XKR7: variants seen among roughly 807,000 people sequenced by gnomAD.
XKR7 encodes the protein XK-related protein 7.
In XKR7, 11 loss-of-function variants were observed where a neutral mutation model predicts 42.2. That is an observed-to-expected ratio of 0.26 (90% CI 0.16 to 0.43). XKR7 has a LOEUF of 0.43. XKR7 is among the 20% of genes least tolerant of loss of function. The probability of loss-of-function intolerance (pLI) is 1.00; values close to 1 mark genes in which losing one functional copy is unlikely to be tolerated. For missense variants in XKR7, 710 were observed against 802.2 expected (o/e 0.89, Z 1.39); for synonymous variants, 346 against 366.4 (o/e 0.94, Z 0.64).
At chr20:31,992,019 AG>A (rs1289344392) in intron 1 of XKR7, among the ~76,000 whole-genome samples, 9 of 152,208 alleles carry the variant, frequency 5.9e-5, no homozygotes, top group African/African-American at 2.2e-4. Flanking sequence ...CGGGAGGCTG[AG>A]GCAGGAGAAT....
chr20:31,982,202 T>G (rs918188304), intron 1 of XKR7, among the ~76,000 whole-genome samples: 1 of 152,180 alleles, frequency 6.6e-6, no homozygotes, highest in Non-Finnish European at 1.5e-5. Flanking sequence ...TTTAGCACAG[T>G]TTGGGGTACA....
chr20:31,975,992 G>C (rs1483588606), intron 1 of XKR7, among the ~76,000 whole-genome samples: 6 of 152,214 alleles, frequency 3.9e-5, no homozygotes, highest in African/African-American at 7.2e-5. Flanking sequence ...GAGCTGTGTG[G>C]CTTTGAGCAA....
chr20:31,976,203 A>G (rs546212639), intron 1 of XKR7, among the ~76,000 whole-genome samples: 1 of 152,208 alleles, frequency 6.6e-6, no homozygotes, highest in African/African-American at 2.4e-5. Flanking sequence ...GGCACAGAGA[A>G]GAGTGGCCTT....
In XKR7 at chr20:31,996,519, G is replaced by GCCT. The variant is rs966345041; in HGVS notation, c.805_807dup (p.Ser269dup). On this transcript the variant is annotated inframe_insertion, in exon 3 of 3. Coordinates refer to ENST00000562532, the MANE Select transcript of XKR7 (RefSeq NM_001011718.2). ...TGTCTCCACAGCCCTCTCCACCTCCGCCTCCCTCGTGTCTCTGGCCTGGAC... is the reference window on the plus strand; with the variant it reads ...TGTCTCCACAGCCCTCTCCACCTCCGCCTCCTCCCTCGTGTCTCTGGCCTGGAC... The GCCT allele has an allele frequency of 1.0e-6, 1 of 961,624 alleles. No homozygotes were observed. Among genetic ancestry groups the GCCT allele is most frequent in the Non-Finnish European group, 1.2e-6 (1 of 824,884 alleles). 59.6% of individuals were successfully genotyped at this position (961,624 alleles called of 1,614,324 possible).
chr20:31,986,205 T>C (rs1470761636), intron 1 of XKR7, among the ~76,000 whole-genome samples: 17 of 75,070 alleles, frequency 2.3e-4, no homozygotes, highest in East Asian at 8.8e-4. Flanking sequence ...GACAGACCAC[T>C]AAACAGATCC....
chr20:31,992,868 G>A (rs1038856960), intron 1 of XKR7, among the ~76,000 whole-genome samples: 1 of 152,164 alleles, frequency 6.6e-6, no homozygotes, highest in Non-Finnish European at 1.5e-5. Flanking sequence ...CAGCTGGTAA[G>A]ACCAGTATAC....
chr20:31,988,964 C>T (rs1202359642), intron 1 of XKR7, among the ~76,000 whole-genome samples: 3 of 152,226 alleles, frequency 2.0e-5, no homozygotes, highest in Middle Eastern at 3.4e-3. Context: ...TGCATCAGTG[C>T]CTATTCTACA....
chr20:31,973,880 A>T (rs1309655188), intron 1 of XKR7, among the ~76,000 whole-genome samples: 2 of 152,000 alleles, frequency 1.3e-5, no homozygotes, highest in Non-Finnish European at 2.9e-5. Context: ...TGCAATGTCC[A>T]CTCTGGCTGC....
chr20:31,983,664 G>T (rs1182231498), intron 1 of XKR7, among the ~76,000 whole-genome samples: 1 of 152,128 alleles, frequency 6.6e-6, no homozygotes, highest in Non-Finnish European at 1.5e-5. Flanking sequence ...AAAGTAGTGG[G>T]GGCCGGGCAC....
chr20:31,974,950 C>T (rs1376503089), intron 1 of XKR7, among the ~76,000 whole-genome samples: 1 of 152,128 alleles, frequency 6.6e-6, no homozygotes, highest in Non-Finnish European at 1.5e-5. Flanking sequence ...ATCCAGCTGC[C>T]ATGGACCATT....
Position 31,997,462 on chromosome 20 carries a change from C to T in XKR7, c.*5C>T, listed in dbSNP as rs374217597. On this transcript the variant is annotated 3_prime_UTR_variant, in exon 3 of 3. Transcript: ENST00000562532. ...GAGTATGAGACCACAGTGTAGGCTACAGTGTCCCAGCACAAAAGGGACAGG... is the reference window on the plus strand; with the variant it reads ...GAGTATGAGACCACAGTGTAGGCTATAGTGTCCCAGCACAAAAGGGACAGG... 7 of 1,584,468 alleles carry T rather than the reference C, an allele frequency of 4.4e-6. No individual in the cohort carries two copies. In the African/African-American group the frequency reaches 8.0e-5, roughly 18 times the overall value.
At chr20:31,976,196 A>G (rs1568880662) in intron 1 of XKR7, among the ~76,000 whole-genome samples, 1 of 152,200 alleles carries the variant, frequency 6.6e-6, no homozygotes, top group Non-Finnish European at 1.5e-5. Context: ...AAATTGAGGC[A>G]CAGAGAAGAG....
Position 31,997,342 on chromosome 20 carries a change from G to A in XKR7, c.1625G>A (p.Arg542His), listed in dbSNP as rs1016371991. The change falls in exon 3 of 3, where the codon CGC (arginine) becomes CAC (histidine). Residue 542 changes from arginine to histidine, a missense_variant. By Grantham distance (29) the Arg-to-His change is conservative (BLOSUM62 0). Transcript: ENST00000562532. ...YPAWDAHFID[R>H]RLRKTILALE... is the part of the protein sequence containing the mutation. ...GCCTGGGATGCTCATTTTATTGACC[G>A]CCGGCTCCGGAAGACCATCCTGGCA... 4.4e-6 allele frequency: 7 copies of A among 1,606,580 alleles called. No homozygotes were observed. The highest frequency in any genetic ancestry group is 4.0e-5 in the African/African-American group (3 of 74,926).
chr20:31,997,058 T>C lies in XKR7; in HGVS notation c.1341T>C (p.Gly447=). 1 of 1,613,770 alleles carries C rather than the reference T, an allele frequency of 6.2e-7. No homozygotes were observed. Among genetic ancestry groups the C allele is most frequent in the Non-Finnish European group, 8.5e-7 (1 of 1,180,030 alleles). ...TGCACCCCAATGGGCCCATGCTGGG[T>C]CCCCAGGCACCTGGTTGCATCTTCC... ...CLLHPNGPML[G]PQAPGCIFRK... The change falls in exon 3 of 3, where the codon GGT becomes GGC. Residue 447 remains glycine (G), a synonymous_variant. Transcript: ENST00000562532.
Position 31,997,201 on chromosome 20 carries a change from C to A in XKR7, c.1484C>A (p.Thr495Asn). 1 of 1,610,136 alleles carries A rather than the reference C, an allele frequency of 6.2e-7. No individual in the cohort carries two copies. The highest frequency in any genetic ancestry group is 8.5e-7 in the Non-Finnish European group (1 of 1,179,832). The part of the protein sequence containing the change: ...DGASAGERAG[T>N]PTPPVFQVRP... ...GCCTCGGCGGGAGAGCGTGCAGGGA[C>A]CCCCACCCCACCTGTCTTCCAGGTG... The change falls in exon 3 of 3, where the codon ACC (threonine) becomes AAC (asparagine). Residue 495 changes from threonine (T) to asparagine (N), a missense_variant. Thr to Asn is a moderately conservative substitution (Grantham distance 65). Transcript: ENST00000562532.
At position 31,997,290 on chromosome 20, in the gene XKR7, A is replaced by G; in HGVS notation, c.1573A>G (p.Ile525Val). The change falls in exon 3 of 3, where the codon ATT becomes GTT. Residue 525 changes from isoleucine to valine, a missense_variant. This residue lies in a region of XKR7 where 708 missense variants were observed against 786.2 expected (regional missense o/e 0.90). Transcript: ENST00000562532. ...TLRTEGPVIRIDLPRKKYPAW... is the reference protein window; with the variant it reads ...TLRTEGPVIRVDLPRKKYPAW... ...GCGGACAGAGGGGCCTGTCATCCGG[A>G]TTGACTTGCCTCGCAAGAAGTACCC... 6.2e-7 allele frequency: 1 copy of G among 1,612,120 alleles called. No homozygotes were observed. The highest frequency in any genetic ancestry group is 8.5e-7 in the Non-Finnish European group (1 of 1,180,010).
At position 31,999,656 on chromosome 20, in the gene XKR7, T is replaced by A. The variant is rs1295220911; in HGVS notation, c.*2199T>A. 1 of 152,228 alleles carries A rather than the reference T, an allele frequency of 6.6e-6. No homozygotes were observed. The highest frequency in any genetic ancestry group is 2.4e-5 in the African/African-American group (1 of 41,544). 9.4% of individuals were successfully genotyped at this position (152,228 alleles called of 1,614,324 possible). ...TGCGGACCCAGACCCAGAAACAGACTGTTTCTCCAGGGCCAACTTTGTGCC... is the reference window on the plus strand; with the variant it reads ...TGCGGACCCAGACCCAGAAACAGACAGTTTCTCCAGGGCCAACTTTGTGCC... On this transcript the variant is annotated 3_prime_UTR_variant, in exon 3 of 3. Coordinates refer to ENST00000562532, the MANE Select transcript of XKR7 (RefSeq NM_001011718.2).
intron 1 of XKR7, among the ~76,000 whole-genome samples, chr20:31,980,272 A>T (rs182825021): frequency 2.0e-4 from 31 of 152,136 alleles, no homozygotes; most frequent in Admixed American, 1.8e-3. Flanking sequence ...GACATTTATG[A>T]CTCATTTGGC....
intron 2 of XKR7, among the ~76,000 whole-genome samples, 164 bp from the exon 3 acceptor site, chr20:31,996,341 C>A (rs111791089): frequency 7.9e-5 from 12 of 152,026 alleles, no homozygotes; most frequent in Admixed American, 2.6e-4. Flanking sequence ...GCTCTTGAAG[C>A]TCCCCACCTC....
Sources: gnomAD v4.1 joint callset for allele counts (sites outside exome capture counted in the v4.1 genomes callset) on GRCh38, gnomAD v4.1.1 for gene constraint, gnomAD v4.1.1 regional missense constraint, MANE v1.5 for transcripts, NCBI Gene and HGNC (gene_info 2026-07-23, HGNC 2026-07-21) for gene names.